STARD3: variants seen among roughly 807,000 people sequenced by gnomAD.
STARD3 encodes StAR related lipid transfer domain containing 3.
In STARD3, 39 loss-of-function variants were observed where a neutral mutation model predicts 62.0. The observed-to-expected ratio is 0.63, with a 90% CI of 0.49 to 0.82. STARD3 has a LOEUF of 0.82. STARD3 is among the 40% of genes least tolerant of loss of function. The pLI, the probability that STARD3 is intolerant of heterozygous loss-of-function variation, is 0.00. For missense variants in STARD3, 543 were observed against 584.5 expected, an observed-to-expected ratio of 0.93 and a Z score of 0.73; for synonymous variants, 229 against 242.4, an observed-to-expected ratio of 0.94 and a Z score of 0.51.
chr17:39,645,298 A>C (rs1295839822), intron 1 of STARD3, among the ~76,000 whole-genome samples: 1 of 152,158 alleles, frequency 6.6e-6, no homozygotes, highest in African/African-American at 2.4e-5. Context: ...TGGCCTTTCT[A>C]TAGATGAAGG....
chr17:39,657,126 G>A (rs1317765299), intron 3 of STARD3, 41 bp downstream of exon 3: 1 of 1,593,456 alleles, frequency 6.3e-7, no homozygotes, highest in South Asian at 1.1e-5. Flanking sequence ...CGGAGGCAGA[G>A]AGGGAGCAGG....
chr17:39,660,152 G>A lies in STARD3; in HGVS notation c.796-59G>A, dbSNP rs1567861302. On this transcript the variant is annotated intron_variant, in intron 9 of 14. Transcript: ENST00000336308. The surrounding 1 kb of genome is among the most constrained non-coding windows in gnomAD (Gnocchi z 4.8). ...TGCCCTGCCTGTCACCCATTTCTGT[G>A]CCACCAGCCCACCCCCTGCCTCCAC... The A allele has an allele frequency of 1.0e-5, 16 of 1,587,820 alleles. No individual in the cohort carries two copies. The highest frequency in any genetic ancestry group is 1.4e-5 in the Non-Finnish European group (16 of 1,156,764).
In STARD3 at chr17:39,663,083, TG is replaced by T; in HGVS notation, c.*177del. ...CTGAGCAGGCTGTGGGGTGGAGCAC[TG>T]GACTCCGGGGCCCCACTGGCTGGAG... On this transcript the variant is annotated 3_prime_UTR_variant, in exon 15 of 15. Coordinates refer to ENST00000336308, the MANE Select transcript of STARD3 (RefSeq NM_006804.4). 1 of 611,768 alleles carries T rather than the reference TG, an allele frequency of 1.6e-6. No homozygotes were observed. The highest frequency in any genetic ancestry group is 2.6e-6 in the Non-Finnish European group (1 of 380,016). The allele number at this position is 611,768 out of a possible 1,614,324, so 37.9% of individuals were successfully genotyped here. A position where few individuals can be genotyped will look rare whatever the true frequency, so the allele number is the denominator to read the frequency against.
intron 1 of STARD3, among the ~76,000 whole-genome samples, chr17:39,650,236 G>GA (rs1476591419): frequency 6.6e-6 from 1 of 152,206 alleles, no homozygotes; most frequent in Non-Finnish European, 1.5e-5. Context: ...CGTATCAGGA[G>GA]ATGGCAGTGT....
At chr17:39,661,172 C>T (rs1475278551) in intron 13 of STARD3, 87 bp downstream of exon 13, 2 of 1,223,968 alleles carry the variant, frequency 1.6e-6, no homozygotes, top group Non-Finnish European at 1.2e-6. Flanking sequence ...TACAGCTGGG[C>T]ACTTCCCCTG....
chr17:39,641,548 A>G (rs1375314232), intron 1 of STARD3, among the ~76,000 whole-genome samples: 2 of 152,118 alleles, frequency 1.3e-5, no homozygotes, highest in African/African-American at 4.8e-5. Context: ...AGTTTGGGCA[A>G]AGTGCTATGC....
At chr17:39,645,645 T>G (rs1452696328) in intron 1 of STARD3, among the ~76,000 whole-genome samples, 1 of 152,118 alleles carries the variant, frequency 6.6e-6, no homozygotes, top group Non-Finnish European at 1.5e-5. Context: ...AATTTTTTTG[T>G]ATGTTTAGTA....
At chr17:39,645,192 C>T (rs2057014300) in intron 1 of STARD3, among the ~76,000 whole-genome samples, 1 of 152,204 alleles carries the variant, frequency 6.6e-6, no homozygotes, top group South Asian at 2.1e-4. Flanking sequence ...TCAGCCCCTG[C>T]ACTCCCCTAA....
At chr17:39,656,979 G>A (rs763809412) in intron 2 of STARD3, 29 bp from the exon 3 acceptor site, 2 of 1,612,634 alleles carry the variant, frequency 1.2e-6, no homozygotes, top group African/African-American at 1.3e-5. Flanking sequence ...GCTTCTACCT[G>A]CAGAGCTCTT....
chr17:39,647,334 C>G (rs1597790495), intron 1 of STARD3, among the ~76,000 whole-genome samples: 2 of 152,346 alleles, frequency 1.3e-5, no homozygotes, highest in Non-Finnish European at 2.9e-5. Context: ...TCACACCACA[C>G]GTGCTGTTCC....
At chr17:39,659,843 C>T (rs1356759959) in intron 9 of STARD3, 1 of 472,218 alleles carries the variant, frequency 2.1e-6, no homozygotes, top group Non-Finnish European at 3.8e-6. Flanking sequence ...TCCGTTGTTT[C>T]GTTTCATGAT....
rs1446268062 is a variant in STARD3, at chr17:39,662,118, G to A, written c.1140-133G>A. 5.3e-6 allele frequency: 4 copies of A among 754,768 alleles called. No individual in the cohort carries two copies. The East Asian group carries it at 1.1e-4, about 20-fold the overall frequency. The allele number at this position is 754,768 out of a possible 1,614,324, so 46.8% of individuals were successfully genotyped here. ...ACCTGTGCTAAGCCTTGTTCAGATA[G>A]GGTAGCTCTGCCTTTCTGCTTCCAG... is the stretch of plus-strand genomic sequence containing the variant. On this transcript the variant is annotated intron_variant, in intron 13 of 14. Coordinates refer to ENST00000336308, the MANE Select transcript of STARD3 (RefSeq NM_006804.4).
Position 39,658,162 on chromosome 17 carries a change from T to C in STARD3, c.429+136T>C, listed in dbSNP as rs2057152174. The C allele has an allele frequency of 2.9e-6, 3 of 1,041,882 alleles. No individual in the cohort carries two copies. The African/African-American group carries it at 4.7e-5, about 16-fold the overall frequency. The allele number at this position is 1,041,882 out of a possible 1,614,324, so 64.5% of individuals were successfully genotyped here. On this transcript the variant is annotated intron_variant, in intron 5 of 14. Coordinates refer to ENST00000336308, the MANE Select transcript of STARD3 (RefSeq NM_006804.4). ...GGGGAGAGGGAATCCTGTCCTTTGG[T>C]ATCTATAAGGAATCATCCTTCACCC...
chr17:39,641,421 A>C (rs2056981932), intron 1 of STARD3, among the ~76,000 whole-genome samples: 1 of 151,378 alleles, frequency 6.6e-6, no homozygotes, highest in Non-Finnish European at 1.5e-5. Context: ...CAGCCACTGC[A>C]CTCCAGTCTG....
chr17:39,640,171 C>T (rs866713233), intron 1 of STARD3, among the ~76,000 whole-genome samples: 7 of 152,136 alleles, frequency 4.6e-5, no homozygotes, highest in African/African-American at 9.7e-5. Context: ...GAGAGCGGTG[C>T]GGGGGAGATA....
chr17:39,661,190 T>C (rs1018852097), intron 13 of STARD3, 105 bp downstream of exon 13: 1 of 986,794 alleles, frequency 1.0e-6, no homozygotes, highest in Admixed American at 2.1e-5. Context: ...CTGCTGAGGC[T>C]GCGTTCCTGT....
intron 9 of STARD3, 129 bp downstream of exon 9, chr17:39,659,682 TG>T (rs2145033364): frequency 9.8e-7 from 1 of 1,021,308 alleles, no homozygotes; most frequent in Non-Finnish European, 1.4e-6. Flanking sequence ...GAGAGGGAGC[TG>T]GGCCCTCGGG....
chr17:39,644,672 CAAAAAA>C (rs3029516), intron 1 of STARD3, among the ~76,000 whole-genome samples: 26 of 112,500 alleles, frequency 2.3e-4, no homozygotes, highest in African/African-American at 3.8e-4. Context: ...CCTGTCTCTA[CAAAAAA>C]AAAAAAAAAA....
chr17:39,662,296 T>C lies in STARD3; in HGVS notation c.1185T>C (p.Ser395=). Residue 395 remains serine (S), a synonymous_variant, in exon 14 of 15, where the codon AGT becomes AGC. Coordinates refer to ENST00000336308, the MANE Select transcript of STARD3 (RefSeq NM_006804.4). Reference sequence around the variant, plus strand: ...GCTTCATCGTGCTCAAGTCGGCCAGTAACCCCCGTGTTTGCACCTTTGTCT... The same window carrying C: ...GCTTCATCGTGCTCAAGTCGGCCAGCAACCCCCGTGTTTGCACCTTTGTCT... ...PGGFIVLKSA[S]NPRVCTFVWI... is the part of the protein sequence containing the mutation. The C allele has an allele frequency of 1.2e-6, 2 of 1,614,048 alleles. No homozygotes were observed. Among genetic ancestry groups the C allele is most frequent in the Non-Finnish European group, 1.7e-6 (2 of 1,179,978 alleles).
Sources: allele counts gnomAD v4.1 joint callset (sites outside exome capture counted in the v4.1 genomes callset), GRCh38; gene constraint gnomAD v4.1.1; non-coding constraint Gnocchi (gnomAD v3.1); transcripts MANE v1.5; gene names NCBI Gene and HGNC (gene_info 2026-07-23, HGNC 2026-07-21).